Variants in TFCP2L1 observed in about 807,000 individuals in gnomAD.
TFCP2L1 encodes the protein transcription factor CP2-like protein 1.
TFCP2L1 carries 12 observed loss-of-function variants against 72.2 expected under a neutral mutation model. The ratio of observed to expected loss-of-function variants is 0.17; its 90% CI spans 0.11 to 0.27. The LOEUF is 0.27. Among genes scored for constraint, TFCP2L1 ranks in the 10% least tolerant of loss-of-function variants. The probability of loss-of-function intolerance (pLI) is 1.00; values close to 1 mark genes in which losing one functional copy is unlikely to be tolerated. For synonymous variants in TFCP2L1, 260 were observed against 251.0 expected (o/e 1.04, Z -0.34); for missense variants, 488 against 624.6 (o/e 0.78, Z 2.33).
Position 121,285,029 on chromosome 2 carries a change from G to T in TFCP2L1, c.62+19C>A. On this transcript the variant is annotated intron_variant, in intron 1 of 14. Transcript: ENST00000263707. ...GCCGGCCCGGCCCGAGACCCGCGGG[G>T]ACCGCGCGCGGCCCTTACCGCAGGT... 2 of 1,479,986 alleles carry T rather than the reference G, an allele frequency of 1.4e-6. No homozygotes were observed. The highest frequency in any genetic ancestry group is 2.5e-5 in the Admixed American group (1 of 40,334). The allele number at this position is 1,479,986 out of a possible 1,614,324, so 91.7% of individuals were successfully genotyped here.
chr2:121,281,391 T>A, intron 1 of TFCP2L1, 120 bp from the exon 2 acceptor site: 1 of 1,137,868 alleles, frequency 8.8e-7, no homozygotes. Context: ...GGCACGCGCA[T>A]CGCAGGGTGC....
chr2:121,231,938 G>C lies in TFCP2L1; in HGVS notation c.1229C>G (p.Thr410Ser), dbSNP rs1227364045. The C allele has an allele frequency of 3.1e-6, 5 of 1,609,588 alleles. No individual in the cohort carries two copies. Among genetic ancestry groups the C allele is most frequent in the Non-Finnish European group, 4.2e-6 (5 of 1,177,224 alleles). Reference sequence around the variant, plus strand: ...GATCTTCTCAATCAGCTCCAAGGTGGTCAGCTCTTCCAGGAAGATGGCGTG... The same window carrying C: ...GATCTTCTCAATCAGCTCCAAGGTGCTCAGCTCTTCCAGGAAGATGGCGTG... The part of the protein sequence containing the change: ...VYHAIFLEEL[T>S]TLELIEKIAN... Residue 410 changes from threonine to serine, a missense_variant, in exon 13 of 15, where the codon ACC (threonine) becomes AGC (serine). Transcript: ENST00000263707.
Position 121,246,848 on chromosome 2 carries a change from G to C in TFCP2L1, c.627C>G (p.His209Gln). Residue 209 changes from histidine to glutamine, a missense_variant, in exon 6 of 15, where the codon CAC becomes CAG. Coordinates refer to ENST00000263707, the MANE Select transcript of TFCP2L1 (RefSeq NM_014553.3). ...NENGEYTEHL[H>Q]SASCQIKVFK... ...ACACCTTGATCTGGCAGCTGGCTGAGTGCAGGTGCTCCGTGTACTCCCCAT... is the reference window on the plus strand; with the variant it reads ...ACACCTTGATCTGGCAGCTGGCTGACTGCAGGTGCTCCGTGTACTCCCCAT... 6.2e-7 allele frequency: 1 copy of C among 1,614,214 alleles called. No homozygotes were observed. Among genetic ancestry groups the C allele is most frequent in the Non-Finnish European group, 8.5e-7 (1 of 1,180,040 alleles).
chr2:121,235,612 C>T (rs1573362811), intron 10 of TFCP2L1, among the ~76,000 whole-genome samples: 1 of 141,022 alleles, frequency 7.1e-6, no homozygotes, highest in Admixed American at 7.3e-5. Context: ...GACAAGGTCT[C>T]AATATATTGC....
At chr2:121,226,556 A>G (rs1182509441) in intron 13 of TFCP2L1, among the ~76,000 whole-genome samples, 1 of 152,146 alleles carries the variant, frequency 6.6e-6, no homozygotes, top group African/African-American at 2.4e-5. Flanking sequence ...TCAGCGTCCT[A>G]CAAAGACAAA....
chr2:121,269,153 A>AGGG (rs1340155443), intron 2 of TFCP2L1, among the ~76,000 whole-genome samples: 9 of 152,130 alleles, frequency 5.9e-5, no homozygotes, highest in African/African-American at 1.7e-4. Flanking sequence ...AATTTATCTT[A>AGGG]AAAACTTTTA....
chr2:121,271,083 G>GC (rs796160082), intron 2 of TFCP2L1, among the ~76,000 whole-genome samples: 31 of 151,694 alleles, frequency 2.0e-4, no homozygotes, highest in African/African-American at 6.8e-4. Context: ...CCAGCTACTT[G>GC]AGAGGCTGAG....
intron 2 of TFCP2L1, among the ~76,000 whole-genome samples, chr2:121,250,460 AAT>A (rs371402612): frequency 1.3e-5 from 2 of 150,908 alleles, no homozygotes; most frequent in Non-Finnish European, 2.9e-5. Flanking sequence ...TATCTCAAAA[AAT>A]ATATATATAT....
chr2:121,281,744 G>A (rs1687267643), intron 1 of TFCP2L1, among the ~76,000 whole-genome samples: 1 of 152,080 alleles, frequency 6.6e-6, no homozygotes. Context: ...CTGTCCTCCA[G>A]GCTCTGTAAA....
chr2:121,263,393 T>C (rs1686862503), intron 2 of TFCP2L1, among the ~76,000 whole-genome samples: 1 of 139,586 alleles, frequency 7.2e-6, no homozygotes, highest in South Asian at 2.2e-4. Flanking sequence ...TTTAACCTAA[T>C]ATAACGGTTC....
chr2:121,239,635 G>C lies in TFCP2L1; in HGVS notation c.783C>G (p.Pro261=), dbSNP rs369288918. 1 of 1,614,084 alleles carries C rather than the reference G, an allele frequency of 6.2e-7. No homozygotes were observed. The part of the protein sequence containing the change: ...TTILTECSPW[P]DVAYQVNSAP... ...CGCTGTTCACCTGGTAGGCCACGTC[G>C]GGCCATGGAGAGCACTGCAGGAGAG... Residue 261 remains proline (P), a synonymous_variant, in exon 8 of 15, where the codon CCC becomes CCG. Coordinates refer to ENST00000263707, the MANE Select transcript of TFCP2L1 (RefSeq NM_014553.3).
chr2:121,242,337 TC>T, intron 7 of TFCP2L1, 21 bp downstream of exon 7: 1 of 1,607,852 alleles, frequency 6.2e-7, no homozygotes, highest in Non-Finnish European at 8.5e-7. Context: ...GGAGGCTCTG[TC>T]CCCGCACCCA....
rs534193098 is a variant in TFCP2L1 at position 121,228,602 on chromosome 2, A to AT, written c.1342-2990dup. Among the ~76,000 whole-genome samples, 58 of 128,330 alleles carry AT rather than the reference A, an allele frequency of 4.5e-4. 3 individuals carry two copies. The South Asian group carries it at 0.015, about 33-fold the overall frequency. 84.2% of individuals were successfully genotyped at this position (128,330 alleles called of 152,430 possible). A position where few individuals can be genotyped will look rare whatever the true frequency, so the allele number is the denominator to read the frequency against. ...TGGCGAAATGTTGTCTCTACAAAAA[A>AT]TTAAAAAAAAAAAATTAGCCAGGCA... On this transcript the variant is annotated intron_variant, in intron 13 of 14. Transcript: ENST00000263707.
At chr2:121,266,231 A>G (rs1214915954) in intron 2 of TFCP2L1, among the ~76,000 whole-genome samples, 1 of 150,562 alleles carries the variant, frequency 6.6e-6, no homozygotes, top group Non-Finnish European at 1.5e-5. Flanking sequence ...TCAGGATCCC[A>G]TTTCACTAAC....
At chr2:121,266,409 C>T (rs1195238028) in intron 2 of TFCP2L1, among the ~76,000 whole-genome samples, 1 of 152,170 alleles carries the variant, frequency 6.6e-6, no homozygotes, top group African/African-American at 2.4e-5. Flanking sequence ...CCATATAAAT[C>T]ATAACCCTAT....
intron 2 of TFCP2L1, among the ~76,000 whole-genome samples, chr2:121,274,020 G>A (rs1687096861): frequency 6.6e-6 from 1 of 151,328 alleles, no homozygotes. Flanking sequence ...CTTGAACCCG[G>A]GAGGCAGAGG....
At chr2:121,242,006 G>A (rs1298137271) in intron 7 of TFCP2L1, among the ~76,000 whole-genome samples, 1 of 146,492 alleles carries the variant, frequency 6.8e-6, no homozygotes, top group Non-Finnish European at 1.5e-5. Context: ...AGCTGGGATG[G>A]CACTGGGAGG....
intron 2 of TFCP2L1, among the ~76,000 whole-genome samples, chr2:121,264,609 C>T (rs1169238076): frequency 4.6e-5 from 7 of 152,224 alleles, no homozygotes; most frequent in African/African-American, 1.7e-4. Flanking sequence ...TGTCTGCTAT[C>T]TGGCCACCAG....
In TFCP2L1 at chr2:121,255,114, C is replaced by T. The variant is rs554571069; in HGVS notation, c.215-5467G>A. Among the ~76,000 whole-genome samples the T allele has an allele frequency of 3.3e-5, 5 of 152,330 alleles. No individual in the cohort carries two copies. The East Asian group carries it at 9.7e-4, about 29-fold the overall frequency. ...CAGAACCCACCACACTTGCCACATCCCACCCAGTGGGTGTCACGTGCTGGG... is the reference window on the plus strand; with the variant it reads ...CAGAACCCACCACACTTGCCACATCTCACCCAGTGGGTGTCACGTGCTGGG... On this transcript the variant is annotated intron_variant, in intron 2 of 14. Coordinates refer to ENST00000263707, the MANE Select transcript of TFCP2L1 (RefSeq NM_014553.3).
Sources: gnomAD v4.1 joint callset for allele counts (sites outside exome capture counted in the v4.1 genomes callset) on GRCh38, gnomAD v4.1.1 for gene constraint, MANE v1.5 for transcripts, NCBI Gene and HGNC (gene_info 2026-07-23, HGNC 2026-07-21) for gene names.